GADD45A: variants seen among roughly 807,000 people sequenced by gnomAD.
The protein encoded by GADD45A is growth arrest and DNA damage inducible alpha.
In GADD45A, 9 loss-of-function variants were observed where a neutral mutation model predicts 17.7. The observed-to-expected ratio is 0.51, with a 90% CI of 0.31 to 0.89. The LOEUF is 0.89. GADD45A is among the 40% of genes least tolerant of loss of function. The pLI is 0.05. For missense variants in GADD45A, 149 were observed against 220.6 expected (o/e 0.68, Z 2.06); for synonymous variants, 95 against 92.2 (o/e 1.03, Z -0.17).
In GADD45A at chr1:67,686,290, C is replaced by G. The variant is rs1449646049; in HGVS notation, c.147-60C>G. 12 of 1,501,714 alleles carry G rather than the reference C, an allele frequency of 8.0e-6. No individual in the cohort carries two copies. The African/African-American group carries it at 1.1e-4, about 14-fold the overall frequency. 93.0% of individuals were successfully genotyped at this position (1,501,714 alleles called of 1,614,324 possible). ...GGCCGGGCGGCGACCCCCAGGGACC[C>G]GGGCAGTGGTTGAGGGCGCCCGCGC... On this transcript the variant is annotated intron_variant, in intron 2 of 3. Transcript: ENST00000370986.
chr1:67,686,036 TG>T lies in GADD45A; in HGVS notation c.61del (p.Asp21MetfsTer11), dbSNP rs758777690. 1 of 1,604,954 alleles carries T rather than the reference TG, an allele frequency of 6.2e-7. No individual in the cohort carries two copies. Among genetic ancestry groups the T allele is most frequent in the Non-Finnish European group, 8.5e-7 (1 of 1,176,266 alleles). ...GEQKTERMDK[V>X]GDALEEVLSK... ...TTGCCCGCGTGTAGGATGGATAAGG[TG>T]GGGGATGCCCTGGAGGAAGTGCTCA... On this transcript the variant is annotated frameshift_variant, in exon 2 of 4. Transcript: ENST00000370986. LOFTEE classifies it high-confidence loss of function.
chr1:67,686,270 G>T, intron 2 of GADD45A, 80 bp from the exon 3 acceptor site: 3 of 1,420,108 alleles, frequency 2.1e-6, no homozygotes, highest in East Asian at 2.5e-5. Context: ...GAGCGGGCCG[G>T]GCGGCGACCC....
chr1:67,686,615 A>C (rs1261534721), intron 3 of GADD45A, 28 bp downstream of exon 3: 1 of 1,581,196 alleles, frequency 6.3e-7, no homozygotes, highest in Non-Finnish European at 8.6e-7. Flanking sequence ...TGCAGCCTGC[A>C]GGGTAGAGCC....
chr1:67,686,509 G>A lies in GADD45A; in HGVS notation c.306G>A (p.Leu102=), dbSNP rs1464653268. ...VSNPGRLAEL[L]LLETDAGPAA... ...ACCCGGGCCGGCTGGCGGAGCTCCTGCTCTTGGAGACCGACGCTGGCCCCG... is the reference window on the plus strand; with the variant it reads ...ACCCGGGCCGGCTGGCGGAGCTCCTACTCTTGGAGACCGACGCTGGCCCCG... Residue 102 remains leucine (L), a synonymous_variant, in exon 3 of 4, where the codon CTG becomes CTA. Coordinates refer to ENST00000370986, the MANE Select transcript of GADD45A (RefSeq NM_001924.4). 6.2e-7 allele frequency: 1 copy of A among 1,613,304 alleles called. No individual in the cohort carries two copies. The highest frequency in any genetic ancestry group is 2.2e-5 in the East Asian group (1 of 44,878).
chr1:67,686,001 C>T (rs200686088), intron 1 of GADD45A, 24 bp from the exon 2 acceptor site: 12 of 1,545,548 alleles, frequency 7.8e-6, no homozygotes, highest in Non-Finnish European at 4.4e-6. Flanking sequence ...GCTGACGGGA[C>T]CCCTCGCCCT....
Position 67,686,422 on chromosome 1 carries a change from C to T in GADD45A, c.219C>T (p.Ile73=), listed in dbSNP as rs1646134272. 1 of 1,613,818 alleles carries T rather than the reference C, an allele frequency of 6.2e-7. No individual in the cohort carries two copies. The highest frequency in any genetic ancestry group is 1.7e-5 in the Admixed American group (1 of 60,028). The change falls in exon 3 of 4, where the codon ATC becomes ATT. Residue 73 remains isoleucine (I), a synonymous_variant. Transcript: ENST00000370986. ...ACGACAGAGATGTGGCTCTGCAGAT[C>T]CACTTCACCCTGATCCAGGCGTTTT... The part of the protein sequence containing the change: ...EDDDRDVALQ[I]HFTLIQAFCC...
chr1:67,685,547 G>A lies in GADD45A; in HGVS notation c.44+9G>A. The A allele has an allele frequency of 6.2e-7, 1 of 1,603,878 alleles. No individual in the cohort carries two copies. The highest frequency in any genetic ancestry group is 1.1e-5 in the South Asian group (1 of 89,442). ...GAGCAGAAGACCGAAAGGTGAGTCGGCCTGCGGACTCTTCCGGCCCGAACT... is the reference window on the plus strand; with the variant it reads ...GAGCAGAAGACCGAAAGGTGAGTCGACCTGCGGACTCTTCCGGCCCGAACT... On this transcript the variant is annotated intron_variant, in intron 1 of 3. Coordinates refer to ENST00000370986, the MANE Select transcript of GADD45A (RefSeq NM_001924.4).
In GADD45A at chr1:67,687,779, A is replaced by T. The variant is rs1301636832; in HGVS notation, c.*5A>T. ...ATTAATCTCCCTGAACGGTGATGGCATCTGAATGAAAATAACTGAACCAAA... is the reference window on the plus strand; with the variant it reads ...ATTAATCTCCCTGAACGGTGATGGCTTCTGAATGAAAATAACTGAACCAAA... On this transcript the variant is annotated 3_prime_UTR_variant, in exon 4 of 4. Coordinates refer to ENST00000370986, the MANE Select transcript of GADD45A (RefSeq NM_001924.4). The T allele has an allele frequency of 2.5e-6, 4 of 1,574,326 alleles. No homozygotes were observed. The highest frequency in any genetic ancestry group is 2.2e-5 in the South Asian group (2 of 90,090).
chr1:67,686,246 G>T, intron 2 of GADD45A, 104 bp from the exon 3 acceptor site: 2 of 1,376,418 alleles, frequency 1.5e-6, no homozygotes, highest in East Asian at 2.5e-5. Context: ...TGCCTGTCTC[G>T]GAAGGGAGGG....
At chr1:67,686,315 C>G in intron 2 of GADD45A, 35 bp from the exon 3 acceptor site, 1 of 1,591,662 alleles carries the variant, frequency 6.3e-7, no homozygotes, top group Non-Finnish European at 8.6e-7. Context: ...GGCGCCCGCG[C>G]TTCTGCGCTC....
chr1:67,687,564 C>T, intron 3 of GADD45A, 97 bp from the exon 4 acceptor site: 1 of 773,260 alleles, frequency 1.3e-6, no homozygotes, highest in South Asian at 1.7e-5. Flanking sequence ...GTCACATAGC[C>T]AAAATATAGA....
chr1:67,686,197 G>A, intron 2 of GADD45A, 71 bp downstream of exon 2: 2 of 1,419,866 alleles, frequency 1.4e-6, no homozygotes, highest in East Asian at 2.5e-5. Context: ...CCTTGGCTGG[G>A]CGCCCCTCGC....
chr1:67,687,072 T>G (rs1006271083), intron 3 of GADD45A, among the ~76,000 whole-genome samples: 1 of 149,194 alleles, frequency 6.7e-6, no homozygotes, highest in Non-Finnish European at 1.5e-5. Context: ...TTGCATTTTT[T>G]TAATGGCTCT....
intron 2 of GADD45A, 24 bp from the exon 3 acceptor site, chr1:67,686,326 A>C (rs1459905986): frequency 1.9e-6 from 3 of 1,602,890 alleles, no homozygotes; most frequent in Non-Finnish European, 2.6e-6. Flanking sequence ...TTCTGCGCTC[A>C]CTGGCCCCGC....
intron 1 of GADD45A, 155 bp downstream of exon 1, chr1:67,685,693 T>C: frequency 4.1e-6 from 3 of 735,220 alleles, no homozygotes; most frequent in Middle Eastern, 4.9e-4. Flanking sequence ...TCCGTGGAGC[T>C]CCCACGGACT....
chr1:67,686,286 G>GT, intron 2 of GADD45A, 64 bp from the exon 3 acceptor site: 1 of 1,485,442 alleles, frequency 6.7e-7, no homozygotes, highest in Non-Finnish European at 9.2e-7. Context: ...GACCCCCAGG[G>GT]ACCCGGGCAG....
chr1:67,687,160 T>C (rs1646140628), intron 3 of GADD45A, among the ~76,000 whole-genome samples: 1 of 152,184 alleles, frequency 6.6e-6, no homozygotes. Flanking sequence ...TTTTGTCTTC[T>C]AAATTTTGCT....
intron 1 of GADD45A, 78 bp downstream of exon 1, chr1:67,685,616 A>G: frequency 2.1e-6 from 3 of 1,431,938 alleles, no homozygotes; most frequent in Non-Finnish European, 2.9e-6. Flanking sequence ...GGGCTGTGGA[A>G]GGCTTGCAGG....
At position 67,688,278 on chromosome 1, in the gene GADD45A, G is replaced by C. The variant is rs1349635463; in HGVS notation, c.*504G>C. On this transcript the variant is annotated 3_prime_UTR_variant, in exon 4 of 4. Coordinates refer to ENST00000370986, the MANE Select transcript of GADD45A (RefSeq NM_001924.4). ...TTTTATGACATGAAAAGTTATTTAT[G>C]CTATAAATTTTTTGAAACACAATAC... 3 of 153,210 alleles carry C rather than the reference G, an allele frequency of 2.0e-5. No homozygotes were observed. Among genetic ancestry groups the C allele is most frequent in the Non-Finnish European group, 2.9e-5 (2 of 68,436 alleles). 9.5% of individuals were successfully genotyped at this position (153,210 alleles called of 1,614,324 possible). A position where few individuals can be genotyped will look rare whatever the true frequency, so the allele number is the denominator to read the frequency against.
Sources: allele counts gnomAD v4.1 joint callset (sites outside exome capture counted in the v4.1 genomes callset), GRCh38; gene constraint gnomAD v4.1.1; transcripts MANE v1.5; gene names NCBI Gene and HGNC (gene_info 2026-07-23, HGNC 2026-07-21).